CCDC171: variants seen among roughly 807,000 people sequenced by gnomAD.
CCDC171 encodes coiled-coil domain-containing protein 171.
In CCDC171, 177 loss-of-function variants were observed where a neutral mutation model predicts 168.2. The observed-to-expected ratio is 1.05, with a 90% CI of 0.93 to 1.19. The LOEUF is 1.19. CCDC171 is among the 50% of genes most tolerant of loss of function. The pLI is 0.00. For missense variants in CCDC171, 1,991 were observed against 1,539.0 expected, an observed-to-expected ratio of 1.29 and a Z score of -4.91; for synonymous variants, 687 against 540.8, an observed-to-expected ratio of 1.27 and a Z score of -3.75.
chr9:15,846,832 TC>T lies in CCDC171; in HGVS notation c.3400del (p.Arg1134AlafsTer14), dbSNP rs1461965799. 1 of 1,607,282 alleles carries T rather than the reference TC, an allele frequency of 6.2e-7. No homozygotes were observed. Among genetic ancestry groups the T allele is most frequent in the Non-Finnish European group, 8.5e-7 (1 of 1,176,412 alleles). On this transcript the variant is annotated frameshift_variant, in exon 22 of 26. Transcript: ENST00000380701. LOFTEE classifies it high-confidence loss of function. ...AACATCCATGATGCAGAGAGTGCCC[TC>T]CGCATGGCAGCCAAGTGAGCATTTG... The part of the protein sequence containing the change: ...EENIHDAESA[L>X]RMAAKDKECV...
At chr9:15,905,901 G>C (rs902617880) in intron 24 of CCDC171, among the ~76,000 whole-genome samples, 1 of 152,136 alleles carries the variant, frequency 6.6e-6, no homozygotes, top group South Asian at 2.1e-4. Context: ...ACACCTCTAC[G>C]CAAATAAACT....
the CCDC171 span, among the ~76,000 whole-genome samples, chr9:16,087,816 A>C: frequency 3.3e-5 from 5 of 151,866 alleles, no homozygotes; most frequent in African/African-American, 1.2e-4. Context: ...TTTGCCCTTT[A>C]GTTGATGCAG....
At chr9:15,870,722 A>G (rs2061999791) in intron 23 of CCDC171, among the ~76,000 whole-genome samples, 1 of 151,462 alleles carries the variant, frequency 6.6e-6, no homozygotes, top group Non-Finnish European at 1.5e-5. Context: ...ATGATAAAAG[A>G]TGGAGGGAGT....
At chr9:15,778,170 G>T (rs568635503) in intron 19 of CCDC171, among the ~76,000 whole-genome samples, 5 of 151,482 alleles carry the variant, frequency 3.3e-5, no homozygotes, top group African/African-American at 9.7e-5. Context: ...GGTGGCGGGC[G>T]CCTGTAGTCC....
rs546916350 is a variant in CCDC171, at chr9:16,048,048, A to T, written n.89+5162A>T. 5.8e-4 allele frequency among the ~76,000 whole-genome samples: 88 copies of T among 152,350 alleles called. 2 individuals carry two copies. In the South Asian group the frequency reaches 0.018, roughly 30 times the overall value. On this transcript the variant is annotated intron_variant and non_coding_transcript_variant, in intron 1 of 1. Coordinates refer to the CCDC171 transcript ENST00000478913. ...TGCAGTGGCAAGTTGGCTCAAAGGG[A>T]TGGCCCTCAGTGGAAATGCACAGGC...
chr9:15,942,167 G>A (rs879573156), intron 25 of CCDC171, among the ~76,000 whole-genome samples: 2 of 151,866 alleles, frequency 1.3e-5, no homozygotes, highest in Admixed American at 6.6e-5. Context: ...TATTCTAGAA[G>A]TGCTATGTGA....
intron 7 of CCDC171, among the ~76,000 whole-genome samples, chr9:15,641,847 G>C (rs1216890619): frequency 6.6e-6 from 1 of 152,204 alleles, no homozygotes; most frequent in Non-Finnish European, 1.5e-5. Context: ...GACAAAATAT[G>C]TGATAACTTT....
chr9:15,935,254 A>C (rs1306215455), intron 25 of CCDC171, among the ~76,000 whole-genome samples: 1 of 152,014 alleles, frequency 6.6e-6, no homozygotes. Flanking sequence ...GGATGGCAAT[A>C]TGTTGTAGTG....
chr9:15,692,355 ACT>A (rs2050864099), intron 10 of CCDC171, among the ~76,000 whole-genome samples: 1 of 112,980 alleles, frequency 8.9e-6, no homozygotes, highest in South Asian at 3.7e-4. Context: ...ATGGAGCAAG[ACT>A]CTGTCTCTTC....
At chr9:15,610,527 C>T (rs1326713640) in intron 6 of CCDC171, among the ~76,000 whole-genome samples, 1 of 138,316 alleles carries the variant, frequency 7.2e-6, no homozygotes, top group African/African-American at 2.7e-5. Context: ...CTTCGGGAGG[C>T]TGAGGCAGGA....
chr9:15,941,465 A>G (rs1299008488), intron 25 of CCDC171, among the ~76,000 whole-genome samples: 1 of 151,970 alleles, frequency 6.6e-6, no homozygotes, highest in East Asian at 1.9e-4. Context: ...CTTAAAAAAA[A>G]CACTGAGTTT....
At chr9:15,766,276 G>C (rs983692871) in intron 18 of CCDC171, among the ~76,000 whole-genome samples, 1 of 152,106 alleles carries the variant, frequency 6.6e-6, no homozygotes, top group Admixed American at 6.6e-5. Context: ...CAGGAGTCTT[G>C]TGTTTTTTGC....
At chr9:15,827,345 T>A (rs2060055238) in intron 21 of CCDC171, among the ~76,000 whole-genome samples, 1 of 152,188 alleles carries the variant, frequency 6.6e-6, no homozygotes, top group African/African-American at 2.4e-5. Flanking sequence ...ACAGCTTGAT[T>A]TACTCCCACC....
chr9:15,747,859 T>C lies in CCDC171; in HGVS notation c.2671+2228T>C, dbSNP rs147004571. Among the ~76,000 whole-genome samples, 1,215 of 152,164 alleles carry C rather than the reference T, an allele frequency of 8.0e-3. 11 individuals are homozygous for C. Among genetic ancestry groups the C allele is most frequent in the African/African-American group, 0.028 (1,157 of 41,500 alleles). On this transcript the variant is annotated intron_variant, in intron 18 of 25. Coordinates refer to ENST00000380701, the MANE Select transcript of CCDC171 (RefSeq NM_173550.4). The stretch of plus-strand genomic sequence containing the variant: ...ATCTTCTCCTCTAAAGGATCACAAC[T>C]CCTCACCAGCAAGGGAACAAAATTA...
intron 23 of CCDC171, among the ~76,000 whole-genome samples, chr9:15,870,238 TAAAAG>T (rs1447110783): frequency 6.6e-6 from 1 of 150,490 alleles, no homozygotes; most frequent in Non-Finnish European, 1.5e-5. Flanking sequence ...GAATGAAAAA[TAAAAG>T]GAAGAAAGGG....
chr9:15,776,163 A>T (rs1298117368), intron 18 of CCDC171: 1 of 151,704 alleles, frequency 6.6e-6, no homozygotes, highest in African/African-American at 2.4e-5. Context: ...TTATTTATTT[A>T]TTTTGTATTA....
rs2042168202 is a variant in CCDC171 at position 15,594,035 on chromosome 9, A to G, written c.544-6A>G. 1.3e-6 allele frequency: 2 copies of G among 1,575,946 alleles called. No individual in the cohort carries two copies. The highest frequency in any genetic ancestry group is 1.7e-6 in the Non-Finnish European group (2 of 1,158,852). On this transcript the variant is annotated splice_region_variant and splice_polypyrimidine_tract_variant and intron_variant, in intron 5 of 25. Transcript: ENST00000380701. ...AACAGTAAAGCAAGATTTTATTTAT[A>G]TAAAGGAAGCGTTGGAAAAACATCA... is the stretch of plus-strand genomic sequence containing the variant.
intron 7 of CCDC171, among the ~76,000 whole-genome samples, chr9:15,629,786 G>T (rs1197060798): frequency 6.6e-6 from 1 of 152,166 alleles, no homozygotes; most frequent in Non-Finnish European, 1.5e-5. Context: ...AGAAAGGTTG[G>T]GTTACCCACA....
intron 25 of CCDC171, among the ~76,000 whole-genome samples, chr9:15,934,963 T>C (rs1185604511): frequency 6.6e-6 from 1 of 152,016 alleles, no homozygotes; most frequent in African/African-American, 2.4e-5. Context: ...GGCAAATCCA[T>C]GGAGACAAGA....
Sources: gnomAD v4.1 joint callset for allele counts (sites outside exome capture counted in the v4.1 genomes callset) on GRCh38, gnomAD v4.1.1 for gene constraint, MANE v1.5 for transcripts, NCBI Gene and HGNC (gene_info 2026-07-23, HGNC 2026-07-21) for gene names.